The following SFI1 variants were observed in gnomAD, a reference collection of about 807,000 sequenced individuals.
SFI1 encodes SFI1 centrin binding protein.
A neutral mutation model predicts 207.5 loss-of-function variants in SFI1; 195 were observed. The ratio of observed to expected loss-of-function variants is 0.94; its 90% confidence interval spans 0.84 to 1.06. The LOEUF is 1.06. SFI1 is among the 50% of genes least tolerant of loss of function. The pLI is 0.00. For missense variants in SFI1, 1,634 were observed against 1,588.0 expected, an observed-to-expected ratio of 1.03 and a Z score of -0.49; for synonymous variants, 630 against 598.9, an observed-to-expected ratio of 1.05 and a Z score of -0.76.
intron 1 of SFI1, among the ~76,000 whole-genome samples, chr22:31,497,958 T>C (rs2053015130): frequency 1.3e-5 from 2 of 152,348 alleles, no homozygotes; most frequent in Middle Eastern, 3.4e-3. Flanking sequence ...CTATAGCCCA[T>C]GGTTCAAGGA....
Position 31,604,866 on chromosome 22 carries a change from C to T in SFI1, c.1978-3C>T, listed in dbSNP as rs957026172. The T allele has an allele frequency of 5.6e-6, 9 of 1,611,490 alleles. 1 individual carries two copies. The highest frequency in any genetic ancestry group is 4.5e-5 in the East Asian group (2 of 44,616). ...CAGCCTCAGTCTTCCTTGTCCCCTA[C>T]AGACTTACCAGGGCAGGGTGCGAAG... is the stretch of plus-strand genomic sequence containing the variant. On this transcript the variant is annotated splice_polypyrimidine_tract_variant and splice_region_variant and intron_variant, in intron 19 of 32. Transcript: ENST00000400288.
chr22:31,605,187 T>C, intron 20 of SFI1: 1 of 347,804 alleles, frequency 2.9e-6, no homozygotes, highest in Non-Finnish European at 5.2e-6. Context: ...AAAGGCCACT[T>C]GTCTTGCTCT....
At position 31,556,987 on chromosome 22, in the gene SFI1, A is replaced by G; in HGVS notation, c.590A>G (p.Tyr197Cys). The G allele has an allele frequency of 2.5e-6, 4 of 1,612,614 alleles. No individual in the cohort carries two copies. The highest frequency in any genetic ancestry group is 1.3e-5 in the African/African-American group (1 of 75,018). ...CAGGCCTGGAAGTCCTGGTTGATCT[A>G]CGTGGTTGTTCGTAGGACCAAACTT... ...MRQAWKSWLIYVVVRRTKLQM... is the reference protein window; with the variant it reads ...MRQAWKSWLICVVVRRTKLQM... Residue 197 changes from tyrosine to cysteine, a missense_variant, in exon 7 of 33, where the codon TAC (tyrosine) becomes TGC (cysteine). Transcript: ENST00000400288.
intron 2 of SFI1, among the ~76,000 whole-genome samples, chr22:31,520,616 C>T (rs1188804234): frequency 6.6e-6 from 1 of 151,760 alleles, no homozygotes; most frequent in Non-Finnish European, 1.5e-5. Flanking sequence ...AATATATGTA[C>T]AAAACCAAAT....
rs923488041 is a variant in SFI1, at chr22:31,615,351, C to T, written c.3300+72C>T. ...TCTGACTTCTGGTGCTTTCTCATGC[C>T]ACAGCTGTACTAGTTTCTGGAAAAC... On this transcript the variant is annotated intron_variant, in intron 29 of 32. Coordinates refer to ENST00000400288, the MANE Select transcript of SFI1 (RefSeq NM_001007467.3). 3 of 1,315,674 alleles carry T rather than the reference C, an allele frequency of 2.3e-6. No homozygotes were observed. In the East Asian group the frequency reaches 7.8e-5, roughly 34 times the overall value. 81.5% of individuals were successfully genotyped at this position (1,315,674 alleles called of 1,614,324 possible). A position where few individuals can be genotyped will look rare whatever the true frequency, so the allele number is the denominator to read the frequency against.
chr22:31,601,451 A>C (rs1319528511), intron 15 of SFI1, among the ~76,000 whole-genome samples: 24 of 152,016 alleles, frequency 1.6e-4, no homozygotes, highest in Non-Finnish European at 2.9e-5. Context: ...ATTCACCTGA[A>C]ATACTTGTTT....
intron 15 of SFI1, among the ~76,000 whole-genome samples, chr22:31,591,496 C>T (rs1192306586): frequency 4.0e-5 from 6 of 151,574 alleles, no homozygotes; most frequent in African/African-American, 9.7e-5. Context: ...ACCTCCCAGA[C>T]GGGGTGGTGG....
chr22:31,617,013 T>C lies in SFI1; in HGVS notation c.3447T>C (p.Leu1149=). 2.5e-6 allele frequency: 4 copies of C among 1,614,060 alleles called. No individual in the cohort carries two copies. Among genetic ancestry groups the C allele is most frequent in the South Asian group, 1.1e-5 (1 of 91,080 alleles). Residue 1149 remains leucine (L), a synonymous_variant, in exon 31 of 33, where the codon CTT becomes CTC. Transcript: ENST00000400288. ...PGLSTAGSLD[L]EAELEEIQQQ... ...CTGTCGCCATAGGCAGCCTGGACCTTGAGGCTGAACTTGAGGAGATCCAGC... is the reference window on the plus strand; with the variant it reads ...CTGTCGCCATAGGCAGCCTGGACCTCGAGGCTGAACTTGAGGAGATCCAGC...
chr22:31,533,227 G>C (rs1408734768), intron 4 of SFI1, among the ~76,000 whole-genome samples: 2 of 152,154 alleles, frequency 1.3e-5, no homozygotes, highest in Non-Finnish European at 2.9e-5. Context: ...AGCCAATGAA[G>C]GTTAAGTTTT....
At chr22:31,530,503 A>AAAAAAC in intron 3 of SFI1, 1 of 307,558 alleles carries the variant, frequency 3.3e-6, no homozygotes, top group Non-Finnish European at 6.5e-6. Flanking sequence ...AAAAAAAAAA[A>AAAAAAC]AAAAAAAAAA....
At position 31,615,181 on chromosome 22, in the gene SFI1, C is replaced by T. The variant is rs1182637554; in HGVS notation, c.3202C>T (p.Pro1068Ser). ...CCTGCCTGGGGCCCTGTCAAGCGCC[C>T]CTGGCCCGAAGCAGCCCCCGACGGC... ...SPLPGALSSA[P>S]GPKQPPTAST... is the part of the protein sequence containing the mutation. The change falls in exon 29 of 33, where the codon CCT (proline) becomes TCT (serine). Residue 1068 changes from proline to serine, a missense_variant. Coordinates refer to ENST00000400288, the MANE Select transcript of SFI1 (RefSeq NM_001007467.3). 1 of 1,598,608 alleles carries T rather than the reference C, an allele frequency of 6.3e-7. No individual in the cohort carries two copies. Among genetic ancestry groups the T allele is most frequent in the Non-Finnish European group, 8.5e-7 (1 of 1,174,314 alleles).
intron 17 of SFI1, among the ~76,000 whole-genome samples, chr22:31,603,191 C>A (rs369480377): frequency 6.6e-6 from 1 of 152,188 alleles, no homozygotes; most frequent in Non-Finnish European, 1.5e-5. Context: ...CGAGATGGCA[C>A]CGCTACACTC....
At chr22:31,516,908 T>A (rs2056599843) in intron 2 of SFI1, among the ~76,000 whole-genome samples, 1 of 146,170 alleles carries the variant, frequency 6.8e-6, no homozygotes, top group Non-Finnish European at 1.5e-5. Flanking sequence ...GAGCCGAGAT[T>A]GCGCCATTGC....
At chr22:31,596,837 C>T (rs1028573935) in intron 15 of SFI1, among the ~76,000 whole-genome samples, 1 of 151,440 alleles carries the variant, frequency 6.6e-6, no homozygotes, top group Non-Finnish European at 1.5e-5. Flanking sequence ...ACACAGTACC[C>T]GTTTCTAAAT....
rs766694932 is a variant in SFI1, at chr22:31,528,833, G to A, written c.236G>A (p.Arg79Gln). The change falls in exon 3 of 33, where the codon CGA (arginine) becomes CAA (glutamine). Residue 79 changes from arginine to glutamine, a missense_variant. Arg to Gln is a conservative substitution (Grantham distance 43). Transcript: ENST00000400288. ...TATCGTGGCACACATACTTGTACCC[G>A]ACAGGGCCGGTTAAGAGAACTGCGC... ...VQYRGTHTCT[R>Q]QGRLRELRIR... 44 of 1,613,738 alleles carry A rather than the reference G, an allele frequency of 2.7e-5. No homozygotes were observed. Among genetic ancestry groups the A allele is most frequent in the Admixed American group, 3.3e-5 (2 of 59,942 alleles).
intron 1 of SFI1, among the ~76,000 whole-genome samples, chr22:31,500,869 G>A (rs533592132): frequency 9.3e-5 from 14 of 150,670 alleles, no homozygotes; most frequent in East Asian, 5.9e-4. Context: ...GCGTGATCTC[G>A]GCTTGCTACA....
At chr22:31,510,933 A>G (rs572425775) in intron 2 of SFI1, among the ~76,000 whole-genome samples, 1 of 152,114 alleles carries the variant, frequency 6.6e-6, no homozygotes, top group Non-Finnish European at 1.5e-5. Context: ...TCATTGGTTG[A>G]TCTAGGTAAA....
chr22:31,579,222 C>T (rs1266179781), intron 11 of SFI1, among the ~76,000 whole-genome samples: 1 of 152,070 alleles, frequency 6.6e-6, no homozygotes, highest in Non-Finnish European at 1.5e-5. Flanking sequence ...TAGCTTGCTG[C>T]AGCCTTGAAC....
intron 4 of SFI1, among the ~76,000 whole-genome samples, chr22:31,544,279 G>A (rs1359613174): frequency 1.3e-5 from 2 of 152,026 alleles, no homozygotes; most frequent in East Asian, 3.9e-4. Flanking sequence ...CTCATCTTTT[G>A]CTGTTGTTAT....
Sources: allele counts gnomAD v4.1 joint callset (sites outside exome capture counted in the v4.1 genomes callset), GRCh38; gene constraint gnomAD v4.1.1; transcripts MANE v1.5; gene names NCBI Gene and HGNC (gene_info 2026-07-23, HGNC 2026-07-21).